TMCC1: variants seen among roughly 807,000 people sequenced by gnomAD.
TMCC1 encodes transmembrane and coiled-coil domain family 1.
In TMCC1, 15 loss-of-function variants were observed where a neutral mutation model predicts 52.4. The observed-to-expected ratio is 0.29, with a 90% CI of 0.19 to 0.44. The LOEUF is 0.44. TMCC1 is among the 20% of genes least tolerant of loss of function. TMCC1 has a pLI of 1.00. For synonymous variants in TMCC1, 279 were observed against 301.9 expected, an observed-to-expected ratio of 0.92 and a Z score of 0.79; for missense variants, 503 against 806.0, an observed-to-expected ratio of 0.62 and a Z score of 4.55.
chr3:129,651,881 T>A lies in TMCC1; in HGVS notation c.1648-86A>T. 7.3e-7 allele frequency: 1 copy of A among 1,369,356 alleles called. No homozygotes were observed. Among genetic ancestry groups the A allele is most frequent in the Non-Finnish European group, 9.8e-7 (1 of 1,016,054 alleles). 84.8% of individuals were successfully genotyped at this position (1,369,356 alleles called of 1,614,324 possible). On this transcript the variant is annotated intron_variant, in intron 6 of 6. Coordinates refer to ENST00000393238, the MANE Select transcript of TMCC1 (RefSeq NM_001017395.5). The surrounding 1 kb of genome is among the most constrained non-coding windows in gnomAD (Gnocchi z 5.1). ...ATGCCCCCTGGGCAAGCCAGATGCA[T>A]CTTGAGCAATGCCAATGATTTTATA... is the stretch of plus-strand genomic sequence containing the variant.
intron 6 of TMCC1, among the ~76,000 whole-genome samples, chr3:129,654,757 T>C (rs776192867): frequency 3.4e-4 from 51 of 152,152 alleles, no homozygotes; most frequent in Non-Finnish European, 6.3e-4. Flanking sequence ...CTAAGAAACA[T>C]TTCCCAAGTA....
intron 5 of TMCC1, among the ~76,000 whole-genome samples, chr3:129,664,715 C>G (rs567848043): frequency 6.6e-6 from 1 of 152,248 alleles, no homozygotes; most frequent in Admixed American, 6.5e-5. Flanking sequence ...CCAAAGAAAC[C>G]AGCAAAATTC....
intron 4 of TMCC1, among the ~76,000 whole-genome samples, chr3:129,804,947 T>C (rs1159002381): frequency 6.6e-6 from 1 of 152,186 alleles, no homozygotes; most frequent in Non-Finnish European, 1.5e-5. Context: ...ACTAAGCTGT[T>C]ATGGTACTTC....
chr3:129,701,188 A>G (rs1295946085), intron 4 of TMCC1, among the ~76,000 whole-genome samples: 1 of 152,248 alleles, frequency 6.6e-6, no homozygotes, highest in African/African-American at 2.4e-5. Context: ...TGGGAAAATA[A>G]AAGTTGAGTC....
At position 129,654,970 on chromosome 3, in the gene TMCC1, G is replaced by A. The variant is rs1414313935; in HGVS notation, c.1645C>T (p.Gln549Ter). 1 of 1,613,534 alleles carries A rather than the reference G, an allele frequency of 6.2e-7. No individual in the cohort carries two copies. The highest frequency in any genetic ancestry group is 1.3e-5 in the African/African-American group (1 of 74,728). ...TACACCTTTTCCTTCATACTAACCT[G>A]GATGTCCCGGGCCCGTTCATAGGAC... ...YQSYERARDI[Q>*]EALEACQTRI... Residue 549 changes from glutamine to a stop codon, truncating the protein, a stop_gained and splice_region_variant, in exon 6 of 7, where the codon CAG (glutamine) becomes TAG (stop). Transcript: ENST00000393238. LOFTEE classifies it high-confidence loss of function.
At chr3:129,808,575 T>C (rs1238030456) in intron 4 of TMCC1, among the ~76,000 whole-genome samples, 1 of 151,370 alleles carries the variant, frequency 6.6e-6, no homozygotes, top group Non-Finnish European at 1.5e-5. Flanking sequence ...CAATGACAGT[T>C]ATAAACAACA....
At chr3:129,818,736 G>A (rs886451847) in intron 4 of TMCC1, among the ~76,000 whole-genome samples, 7 of 152,016 alleles carry the variant, frequency 4.6e-5, no homozygotes, top group Admixed American at 3.9e-4. Context: ...TATCTGAAGG[G>A]CTAATAAATG....
intron 4 of TMCC1, among the ~76,000 whole-genome samples, chr3:129,677,613 T>C (rs759081441): frequency 5.9e-5 from 9 of 152,176 alleles, no homozygotes; most frequent in Non-Finnish European, 8.8e-5. Context: ...TTTCAAGCAA[T>C]TGTGATAAGA....
At chr3:129,851,040 A>G (rs1168072218) in intron 2 of TMCC1, among the ~76,000 whole-genome samples, 1 of 152,236 alleles carries the variant, frequency 6.6e-6, no homozygotes, top group African/African-American at 2.4e-5. Flanking sequence ...AACATGTCAC[A>G]GTGCTGCAGA....
intron 4 of TMCC1, among the ~76,000 whole-genome samples, chr3:129,789,304 C>G (rs185163612): frequency 8.0e-4 from 121 of 152,134 alleles, no homozygotes; most frequent in African/African-American, 2.8e-3. Context: ...CCTAATTAAC[C>G]TACTCAAGAT....
intron 5 of TMCC1, among the ~76,000 whole-genome samples, chr3:129,659,117 A>G (rs994350926): frequency 3.4e-5 from 5 of 145,694 alleles, no homozygotes; most frequent in African/African-American, 1.0e-4. Context: ...TTTTTTTTAA[A>G]GAGATGGGGT....
chr3:129,816,344 C>A (rs2058096413), intron 4 of TMCC1, among the ~76,000 whole-genome samples: 1 of 152,118 alleles, frequency 6.6e-6, no homozygotes, highest in African/African-American at 2.4e-5. Flanking sequence ...AACTGCCCAT[C>A]AGTGGACAAA....
intron 3 of TMCC1, among the ~76,000 whole-genome samples, chr3:129,829,549 T>C (rs2058813685): frequency 6.6e-6 from 1 of 151,694 alleles, no homozygotes; most frequent in Non-Finnish European, 1.5e-5. Context: ...TGTGCAAATA[T>C]ATAAGACAAA....
rs1291763266 is a variant in TMCC1, at chr3:129,688,537, C to T, written c.577-17273G>A. ...CAGGTACAGCCGCACCACATTAATA[C>T]CCTCGCATAGCCAATCCTCCGCAGT... On this transcript the variant is annotated intron_variant, in intron 4 of 6. Coordinates refer to ENST00000393238, the MANE Select transcript of TMCC1 (RefSeq NM_001017395.5). The T allele has an allele frequency of 4.1e-6, 4 of 985,396 alleles. No homozygotes were observed. In the African/African-American group the frequency reaches 5.2e-5, roughly 13 times the overall value. The allele number at this position is 985,396 out of a possible 1,614,324, so 61.0% of individuals were successfully genotyped here.
At chr3:129,889,566 G>C (rs2061868474) in intron 1 of TMCC1, among the ~76,000 whole-genome samples, 1 of 152,176 alleles carries the variant, frequency 6.6e-6, no homozygotes, top group Non-Finnish European at 1.5e-5. Flanking sequence ...GTGTAGGATA[G>C]GCAGGAACTC....
intron 2 of TMCC1, chr3:129,867,122 A>C (rs891412817): frequency 6.6e-6 from 1 of 151,684 alleles, no homozygotes; most frequent in Non-Finnish European, 1.5e-5. Flanking sequence ...AAAAAAAAAC[A>C]CTTCTTCATT....
chr3:129,777,054 G>A (rs1281725689), intron 4 of TMCC1, among the ~76,000 whole-genome samples: 2 of 152,042 alleles, frequency 1.3e-5, no homozygotes, highest in African/African-American at 4.8e-5. Flanking sequence ...CCAGGAGTTG[G>A]GCTATCAAAT....
At chr3:129,764,936 G>C (rs1007182012) in intron 4 of TMCC1, among the ~76,000 whole-genome samples, 1 of 149,338 alleles carries the variant, frequency 6.7e-6, no homozygotes. Flanking sequence ...CAAGTAGCTG[G>C]GACCACAGGC....
chr3:129,809,621 CA>C (rs756373261), intron 4 of TMCC1, among the ~76,000 whole-genome samples: 85 of 149,816 alleles, frequency 5.7e-4, no homozygotes, highest in Non-Finnish European at 9.9e-4. Flanking sequence ...ATAAGAGATA[CA>C]AACTGACAGG....
Sources: allele counts gnomAD v4.1 joint callset (sites outside exome capture counted in the v4.1 genomes callset), GRCh38; gene constraint gnomAD v4.1.1; non-coding constraint Gnocchi (gnomAD v3.1); transcripts MANE v1.5; gene names NCBI Gene and HGNC (gene_info 2026-07-23, HGNC 2026-07-21).